LHFPL6: variants seen among roughly 807,000 people sequenced by gnomAD.
LHFPL6 encodes the protein LHFPL tetraspan subfamily member 6.
In LHFPL6, 9 loss-of-function variants were observed where a neutral mutation model predicts 20.6. That is an observed-to-expected ratio of 0.44 (90% CI 0.26 to 0.76). The LOEUF (loss-of-function observed/expected upper bound fraction) is 0.76. Ranked by LOEUF, LHFPL6 falls within the 30% of genes least tolerant of loss-of-function variation. LHFPL6 has a pLI of 0.20. For missense variants in LHFPL6, 218 were observed against 253.5 expected, an observed-to-expected ratio of 0.86 and a Z score of 0.95; for synonymous variants, 105 against 98.7, an observed-to-expected ratio of 1.06 and a Z score of -0.38.
At chr13:39,387,130 A>G (rs1355094454) in intron 2 of LHFPL6, among the ~76,000 whole-genome samples, 1 of 152,254 alleles carries the variant, frequency 6.6e-6, no homozygotes, top group Non-Finnish European at 1.5e-5. Context: ...ACTTGCATCC[A>G]GCTCACTCAT....
chr13:39,528,689 T>C (rs1870367721), intron 2 of LHFPL6, among the ~76,000 whole-genome samples: 1 of 152,150 alleles, frequency 6.6e-6, no homozygotes, highest in Non-Finnish European at 1.5e-5. Flanking sequence ...AATTTATGAG[T>C]TGCTTCCCGC....
intron 2 of LHFPL6, among the ~76,000 whole-genome samples, chr13:39,516,381 A>T (rs1869917001): frequency 6.6e-6 from 1 of 152,244 alleles, no homozygotes; most frequent in Non-Finnish European, 1.5e-5. Context: ...TGGTGAGCCG[A>T]GCAGCCCCTG....
At chr13:39,398,650 G>A (rs1870904482) in intron 2 of LHFPL6, among the ~76,000 whole-genome samples, 1 of 152,138 alleles carries the variant, frequency 6.6e-6, no homozygotes, top group Non-Finnish European at 1.5e-5. Flanking sequence ...TAAAACAGGG[G>A]TCCCCATCCC....
chr13:39,347,054 T>C (rs943334915), intron 3 of LHFPL6, among the ~76,000 whole-genome samples: 1 of 128,340 alleles, frequency 7.8e-6, no homozygotes, highest in Non-Finnish European at 1.5e-5. Flanking sequence ...CACTCCAGCC[T>C]GGATGGCAGA....
chr13:39,430,689 T>C (rs1449999290), intron 2 of LHFPL6, among the ~76,000 whole-genome samples: 1 of 152,150 alleles, frequency 6.6e-6, no homozygotes, highest in African/African-American at 2.4e-5. Context: ...GCTCTGCGTC[T>C]AGCTAAAGGT....
At chr13:39,441,137 ATTTTTTTTT>A (rs57695621) in intron 2 of LHFPL6, among the ~76,000 whole-genome samples, 26 of 91,458 alleles carry the variant, frequency 2.8e-4, no homozygotes, top group African/African-American at 7.6e-4. Context: ...ATGCCAACTA[ATTTTTTTTT>A]TTTTTTTTTT....
chr13:39,509,815 C>G (rs909256437), intron 2 of LHFPL6, among the ~76,000 whole-genome samples: 6 of 152,046 alleles, frequency 3.9e-5, no homozygotes, highest in African/African-American at 1.2e-4. Context: ...AAAAAATTAG[C>G]CAGGCAGGGT....
chr13:39,556,749 A>G (rs1419512626), intron 2 of LHFPL6, among the ~76,000 whole-genome samples: 4 of 152,046 alleles, frequency 2.6e-5, no homozygotes, highest in Non-Finnish European at 5.9e-5. Context: ...GATTGTTTGA[A>G]CCCAGGAGTT....
At chr13:39,503,526 T>C (rs991324565) in intron 2 of LHFPL6, among the ~76,000 whole-genome samples, 2 of 152,310 alleles carry the variant, frequency 1.3e-5, no homozygotes, top group Admixed American at 6.5e-5. Flanking sequence ...AATTTACTTA[T>C]TGTGCTAATT....
chr13:39,562,671 CACATAT>C (rs1566142328), intron 2 of LHFPL6, among the ~76,000 whole-genome samples: 2 of 119,584 alleles, frequency 1.7e-5, no homozygotes, highest in Non-Finnish European at 3.8e-5. Context: ...CATATATACA[CACATAT>C]ATACACACAC....
At chr13:39,352,866 TA>T in intron 3 of LHFPL6, among the ~76,000 whole-genome samples, 2 of 12,210 alleles carry the variant, frequency 1.6e-4, no homozygotes, top group Admixed American at 1.1e-3. Context: ...TATATATGTG[TA>T]TATATATATA....
At chr13:39,413,209 G>A (rs1871273403) in intron 2 of LHFPL6, among the ~76,000 whole-genome samples, 1 of 152,046 alleles carries the variant, frequency 6.6e-6, no homozygotes, top group South Asian at 2.1e-4. Context: ...AATATTTAAC[G>A]AAGGAAAAAT....
intron 2 of LHFPL6, among the ~76,000 whole-genome samples, chr13:39,599,914 A>G (rs577559864): frequency 2.0e-5 from 3 of 152,336 alleles, no homozygotes; most frequent in East Asian, 1.9e-4. Flanking sequence ...AATACATTGT[A>G]TAAGTTTTCC....
At chr13:39,581,355 C>T (rs761299698) in intron 2 of LHFPL6, among the ~76,000 whole-genome samples, 2 of 151,970 alleles carry the variant, frequency 1.3e-5, no homozygotes, top group Admixed American at 6.6e-5. Context: ...AAGAGCTCAC[C>T]GCTGTGTAAT....
intron 2 of LHFPL6, among the ~76,000 whole-genome samples, chr13:39,566,731 TAAA>T (rs3035077): frequency 0.11 from 7,388 of 69,886 alleles, 276 homozygotes; most frequent in East Asian, 0.24. Flanking sequence ...AGACCCTGTC[TAAA>T]AAAAAAAAAA....
At chr13:39,365,835 A>C (rs139717795) in intron 3 of LHFPL6, among the ~76,000 whole-genome samples, 98 of 152,338 alleles carry the variant, frequency 6.4e-4, no homozygotes, top group African/African-American at 2.3e-3. Flanking sequence ...CAAACCAGAG[A>C]CTAGAAACTG....
chr13:39,430,207 G>A (rs1871755460), intron 2 of LHFPL6, among the ~76,000 whole-genome samples: 1 of 152,176 alleles, frequency 6.6e-6, no homozygotes. Context: ...GAATGTTAAT[G>A]GTTGATTTCT....
intron 2 of LHFPL6, among the ~76,000 whole-genome samples, chr13:39,594,552 G>A (rs1483930346): frequency 7.2e-5 from 11 of 152,120 alleles, no homozygotes; most frequent in Admixed American, 1.3e-4. Context: ...TGTGGACGTC[G>A]GTGTGGCGAT....
chr13:39,384,690 C>T (rs1190939117), intron 2 of LHFPL6, among the ~76,000 whole-genome samples: 2 of 152,186 alleles, frequency 1.3e-5, no homozygotes, highest in Non-Finnish European at 1.5e-5. Context: ...TTTAATAGCT[C>T]TAGTTGCCTA....
Sources: allele counts gnomAD v4.1 joint callset (sites outside exome capture counted in the v4.1 genomes callset), GRCh38; gene constraint gnomAD v4.1.1; transcripts MANE v1.5; gene names NCBI Gene and HGNC (gene_info 2026-07-23, HGNC 2026-07-21).